The following GPC5 variants were observed in gnomAD, a reference collection of about 807,000 sequenced individuals.
The protein encoded by GPC5 is glypican 5.
A neutral mutation model predicts 53.9 loss-of-function variants in GPC5; 47 were observed. The observed-to-expected ratio is 0.87, with a 90% CI of 0.69 to 1.11. The LOEUF is 1.11. Ranked by LOEUF, GPC5 falls within the 50% of genes most tolerant of loss-of-function variation. The pLI, the probability that GPC5 is intolerant of heterozygous loss-of-function variation, is 0.00. For missense variants in GPC5, 748 were observed against 713.1 expected (o/e 1.05, Z -0.56); for synonymous variants, 286 against 263.3 (o/e 1.09, Z -0.84).
chr13:91,775,179 C>T lies in GPC5; in HGVS notation c.1280+18759C>T, dbSNP rs143989188. ...GAGATGAGCGGAAGAGGTTTAAAAA[C>T]ATCATAAGCGAAGTTATATCTACAT... On this transcript the variant is annotated intron_variant, in intron 5 of 7. Coordinates refer to ENST00000377067, the MANE Select transcript of GPC5 (RefSeq NM_004466.6). 2.0e-3 allele frequency among the ~76,000 whole-genome samples: 299 copies of T among 152,232 alleles called. 3 individuals are homozygous for T. Among genetic ancestry groups the T allele is most frequent in the African/African-American group, 6.8e-3 (283 of 41,552 alleles).
At chr13:92,701,963 A>AATG (rs1384973842) in intron 7 of GPC5, among the ~76,000 whole-genome samples, 1 of 152,114 alleles carries the variant, frequency 6.6e-6, no homozygotes, top group African/African-American at 2.4e-5. Context: ...ATAGGACTTA[A>AATG]ATGATAAGCT....
intron 6 of GPC5, among the ~76,000 whole-genome samples, chr13:91,921,975 A>G (rs895317986): frequency 6.6e-6 from 1 of 152,004 alleles, no homozygotes; most frequent in African/African-American, 2.4e-5. Context: ...CTGTCTCAAA[A>G]CCAAACAGAA....
At chr13:91,871,328 G>T (rs2039141468) in intron 5 of GPC5, among the ~76,000 whole-genome samples, 1 of 152,012 alleles carries the variant, frequency 6.6e-6, no homozygotes, top group South Asian at 2.1e-4. Flanking sequence ...ACTCAAAGAA[G>T]GAAACAGACA....
In GPC5 at chr13:92,488,566, G is replaced by T. The variant is rs74710526; in HGVS notation, c.1561+343577G>T. Among the ~76,000 whole-genome samples, 34 of 152,280 alleles carry T rather than the reference G, an allele frequency of 2.2e-4. No homozygotes were observed. The East Asian group carries it at 5.8e-3, about 26-fold the overall frequency. On this transcript the variant is annotated intron_variant, in intron 7 of 7. Transcript: ENST00000377067. ...CCAAAAGGAAGACATATTTAAGTAG[G>T]TTAGTTATTCCTTGGCTTGTGAAGT...
chr13:92,714,176 A>G (rs1933197), intron 7 of GPC5, among the ~76,000 whole-genome samples: 81,871 of 151,944 alleles, frequency 0.54, 22,817 homozygotes, highest in East Asian at 0.84. Flanking sequence ...GGAAGTCAAC[A>G]AATATAGGAA....
chr13:92,745,161 G>T (rs917979707), intron 7 of GPC5, among the ~76,000 whole-genome samples: 1 of 151,718 alleles, frequency 6.6e-6, no homozygotes, highest in African/African-American at 2.4e-5. Context: ...TATATACATG[G>T]GAAAATTTGT....
chr13:92,771,552 C>T (rs1302175601), intron 7 of GPC5, among the ~76,000 whole-genome samples: 1 of 151,978 alleles, frequency 6.6e-6, no homozygotes, highest in Non-Finnish European at 1.5e-5. Flanking sequence ...ACCATCTTAG[C>T]CAGGCTGGTC....
chr13:91,550,916 T>G (rs1369332561), intron 2 of GPC5, among the ~76,000 whole-genome samples: 1 of 152,136 alleles, frequency 6.6e-6, no homozygotes, highest in Non-Finnish European at 1.5e-5. Context: ...TGCTCCTCAT[T>G]CATCTTCAGC....
chr13:92,478,142 AT>A (rs1275629278), intron 7 of GPC5, among the ~76,000 whole-genome samples: 1 of 152,066 alleles, frequency 6.6e-6, no homozygotes, highest in Non-Finnish European at 1.5e-5. Flanking sequence ...CAGTATTTTG[AT>A]TTTTAGCTAT....
chr13:92,521,541 T>A (rs540917229), intron 7 of GPC5, among the ~76,000 whole-genome samples: 2 of 152,308 alleles, frequency 1.3e-5, no homozygotes, highest in Non-Finnish European at 2.9e-5. Context: ...ATTCCCTATT[T>A]AATAAATGGT....
chr13:91,414,187 T>C (rs1594055638), intron 1 of GPC5, among the ~76,000 whole-genome samples: 2 of 152,198 alleles, frequency 1.3e-5, no homozygotes, highest in South Asian at 4.1e-4. Context: ...TGGGAGGCAA[T>C]TGAATCATGG....
chr13:91,425,275 A>G (rs911947194), intron 1 of GPC5, among the ~76,000 whole-genome samples: 15 of 152,148 alleles, frequency 9.9e-5, no homozygotes, highest in African/African-American at 3.6e-4. Flanking sequence ...TTAGGTTAGC[A>G]TGGTTTCACA....
intron 2 of GPC5, among the ~76,000 whole-genome samples, chr13:91,498,979 A>G (rs1281333476): frequency 6.6e-6 from 1 of 151,650 alleles, no homozygotes; most frequent in Non-Finnish European, 1.5e-5. Flanking sequence ...TCTCAAAAAA[A>G]AAGAAAAAAG....
chr13:92,186,496 A>T (rs566042881), intron 7 of GPC5, among the ~76,000 whole-genome samples: 1 of 152,146 alleles, frequency 6.6e-6, no homozygotes, highest in South Asian at 2.1e-4. Flanking sequence ...TCTATAATAA[A>T]ATATATTAAC....
chr13:92,526,816 G>A (rs1881300062), intron 7 of GPC5, among the ~76,000 whole-genome samples: 1 of 151,756 alleles, frequency 6.6e-6, no homozygotes, highest in Non-Finnish European at 1.5e-5. Flanking sequence ...AAGATATCTT[G>A]AAGAGCTTGG....
chr13:92,250,754 CT>C (rs1209600300), intron 7 of GPC5, among the ~76,000 whole-genome samples: 2 of 151,900 alleles, frequency 1.3e-5, no homozygotes, highest in African/African-American at 4.8e-5. Context: ...TTTTGGCTAA[CT>C]GATATAATTG....
chr13:91,674,668 G>A (rs1049226867), intron 2 of GPC5, among the ~76,000 whole-genome samples: 1 of 145,094 alleles, frequency 6.9e-6, no homozygotes, highest in South Asian at 2.1e-4. Context: ...GTATATATAC[G>A]CATATATATG....
chr13:91,577,692 GCTT>G (rs2032190318), intron 2 of GPC5, among the ~76,000 whole-genome samples: 3 of 152,116 alleles, frequency 2.0e-5, no homozygotes, highest in African/African-American at 7.2e-5. Context: ...AGGGCTGTGA[GCTT>G]CTTCTTCTAA....
intron 7 of GPC5, among the ~76,000 whole-genome samples, chr13:92,860,240 A>G (rs774992080): frequency 6.6e-6 from 1 of 152,158 alleles, no homozygotes; most frequent in Non-Finnish European, 1.5e-5. Flanking sequence ...AAAGAGAACT[A>G]TATCTCAAAA....
Sources: gnomAD v4.1 joint callset for allele counts (sites outside exome capture counted in the v4.1 genomes callset) on GRCh38, gnomAD v4.1.1 for gene constraint, MANE v1.5 for transcripts, NCBI Gene and HGNC (gene_info 2026-07-23, HGNC 2026-07-21) for gene names.